The following PDZRN4 variants were observed in gnomAD, a reference collection of about 807,000 sequenced individuals.
The protein encoded by PDZRN4 is PDZ domain containing ring finger 4, also known as PDZ domain-containing RING finger protein 4.
In PDZRN4, 70 loss-of-function variants were observed where a neutral mutation model predicts 99.0. The ratio of observed to expected loss-of-function variants is 0.71; its 90% CI spans 0.58 to 0.86. The LOEUF (loss-of-function observed/expected upper bound fraction) is 0.86. Among genes scored for constraint, PDZRN4 ranks in the 40% least tolerant of loss-of-function variants. PDZRN4 has a pLI of 0.00. For synonymous variants in PDZRN4, 551 were observed against 501.6 expected (o/e 1.10, Z -1.32); for missense variants, 1,474 against 1,331.2 (o/e 1.11, Z -1.67).
At chr12:41,205,255 T>G (rs1434326403) in intron 3 of PDZRN4, among the ~76,000 whole-genome samples, 1 of 151,940 alleles carries the variant, frequency 6.6e-6, no homozygotes, top group African/African-American at 2.4e-5. Flanking sequence ...GACCTAGCAC[T>G]GGTCTTTGGT....
intron 3 of PDZRN4, among the ~76,000 whole-genome samples, chr12:41,500,637 GA>G (rs1938093326): frequency 1.3e-5 from 2 of 151,898 alleles, no homozygotes; most frequent in South Asian, 4.2e-4. Context: ...CAATTTTGCA[GA>G]TTCCTATTAT....
At chr12:41,189,146 G>T (rs772288408) in intron 1 of PDZRN4, 43 bp downstream of exon 1, 5 of 1,543,782 alleles carry the variant, frequency 3.2e-6, no homozygotes, top group Non-Finnish European at 4.4e-6. Flanking sequence ...GTCGATTGGG[G>T]TGGGAAAAGG....
Position 41,327,728 on chromosome 12 carries a change from T to C in PDZRN4, c.843+133540T>C, listed in dbSNP as rs187803872. Among the ~76,000 whole-genome samples, 261 of 152,266 alleles carry C rather than the reference T, an allele frequency of 1.7e-3. 2 individuals are homozygous for C. The highest frequency in any genetic ancestry group is 3.2e-3 in the Non-Finnish European group (215 of 68,006). On this transcript the variant is annotated intron_variant, in intron 3 of 9. Coordinates refer to ENST00000402685, the MANE Select transcript of PDZRN4 (RefSeq NM_001164595.2). ...TACAACCTCTCCAGTGGTTCCTCTT[T>C]AAAAATGAACTCACATGTTATTTAA...
chr12:41,291,521 C>G (rs1951456641), intron 3 of PDZRN4, among the ~76,000 whole-genome samples: 1 of 152,078 alleles, frequency 6.6e-6, no homozygotes, highest in Admixed American at 6.6e-5. Flanking sequence ...TGAAAGTACT[C>G]AATAAATATT....
At chr12:41,242,579 A>G (rs1951107901) in intron 3 of PDZRN4, among the ~76,000 whole-genome samples, 1 of 152,200 alleles carries the variant, frequency 6.6e-6, no homozygotes, top group Non-Finnish European at 1.5e-5. Flanking sequence ...GTAACACAAA[A>G]TTATTAAGAA....
intron 8 of PDZRN4, among the ~76,000 whole-genome samples, chr12:41,566,656 C>T (rs75081529): frequency 0.053 from 7,997 of 152,154 alleles, 558 homozygotes; most frequent in East Asian, 0.24. Context: ...AAAGATGATA[C>T]CTGTATGCTA....
chr12:41,513,532 T>G (rs1395911615), intron 5 of PDZRN4, among the ~76,000 whole-genome samples: 1 of 152,074 alleles, frequency 6.6e-6, no homozygotes, highest in Non-Finnish European at 1.5e-5. Context: ...AATAAACATA[T>G]ACAAATTTAA....
chr12:41,255,413 G>A (rs949288728), intron 3 of PDZRN4, among the ~76,000 whole-genome samples: 4 of 151,458 alleles, frequency 2.6e-5, no homozygotes, highest in Admixed American at 6.6e-5. Flanking sequence ...AGAAAGTTTT[G>A]TTTTTTTTGT....
At chr12:41,430,287 G>A (rs1334650938) in intron 3 of PDZRN4, among the ~76,000 whole-genome samples, 1 of 152,084 alleles carries the variant, frequency 6.6e-6, no homozygotes, top group Non-Finnish European at 1.5e-5. Flanking sequence ...GGCCAACATG[G>A]TGAAATCCCT....
intron 3 of PDZRN4, among the ~76,000 whole-genome samples, chr12:41,296,951 C>A (rs1197328718): frequency 2.0e-5 from 3 of 152,090 alleles, no homozygotes; most frequent in Admixed American, 6.5e-5. Context: ...GAGCAAGACC[C>A]TGACTCAAAA....
chr12:41,198,092 A>T (rs1277279306), intron 3 of PDZRN4, among the ~76,000 whole-genome samples: 1 of 151,074 alleles, frequency 6.6e-6, no homozygotes, highest in Non-Finnish European at 1.5e-5. Context: ...TTTTTTAAAA[A>T]TTTTCTGTAG....
intron 3 of PDZRN4, among the ~76,000 whole-genome samples, chr12:41,351,787 A>G (rs1327555394): frequency 6.6e-6 from 1 of 152,034 alleles, no homozygotes; most frequent in Non-Finnish European, 1.5e-5. Flanking sequence ...GGCTAAGGAC[A>G]ATAATTTGGA....
At chr12:41,239,930 C>G (rs1317082282) in intron 3 of PDZRN4, among the ~76,000 whole-genome samples, 2 of 151,872 alleles carry the variant, frequency 1.3e-5, no homozygotes, top group Non-Finnish European at 2.9e-5. Context: ...TATTTTAAAC[C>G]CTGATATATC....
At chr12:41,494,724 T>C (rs539627319) in intron 3 of PDZRN4, among the ~76,000 whole-genome samples, 113 of 152,290 alleles carry the variant, frequency 7.4e-4, no homozygotes, top group South Asian at 1.9e-3. Context: ...TGGTTTTACT[T>C]GCAGATGTAG....
At chr12:41,309,334 G>A (rs756485111) in intron 3 of PDZRN4, among the ~76,000 whole-genome samples, 1 of 152,278 alleles carries the variant, frequency 6.6e-6, no homozygotes, top group East Asian at 1.9e-4. Context: ...CCAGCATCTT[G>A]TGAGGCTTTC....
At chr12:41,397,731 T>G (rs1952259779) in intron 3 of PDZRN4, among the ~76,000 whole-genome samples, 1 of 152,176 alleles carries the variant, frequency 6.6e-6, no homozygotes, top group Non-Finnish European at 1.5e-5. Flanking sequence ...TAATGGATGT[T>G]TTAAAGTTTT....
intron 3 of PDZRN4, among the ~76,000 whole-genome samples, chr12:41,246,703 C>A (rs1002261848): frequency 6.6e-6 from 1 of 152,126 alleles, no homozygotes; most frequent in Non-Finnish European, 1.5e-5. Context: ...TCTTATGAAC[C>A]TTCCCATTCA....
intron 3 of PDZRN4, among the ~76,000 whole-genome samples, chr12:41,445,206 T>A (rs1434207737): frequency 6.6e-6 from 1 of 152,062 alleles, no homozygotes; most frequent in Admixed American, 6.6e-5. Flanking sequence ...CTAGAAAATA[T>A]GCTTAGATAT....
intron 3 of PDZRN4, among the ~76,000 whole-genome samples, chr12:41,352,769 C>A (rs1411497550): frequency 6.6e-6 from 1 of 152,078 alleles, no homozygotes; most frequent in Non-Finnish European, 1.5e-5. Context: ...GTGTTTGCCT[C>A]CCCAAAGATA....
Sources: allele counts gnomAD v4.1 joint callset (sites outside exome capture counted in the v4.1 genomes callset), GRCh38; gene constraint gnomAD v4.1.1; transcripts MANE v1.5; gene names NCBI Gene and HGNC (gene_info 2026-07-23, HGNC 2026-07-21).